TRPC4: variants seen among roughly 807,000 people sequenced by gnomAD.
TRPC4 encodes the protein short transient receptor potential channel 4.
A neutral mutation model predicts 99.4 loss-of-function variants in TRPC4; 49 were observed. That is an observed-to-expected ratio of 0.49 (90% CI 0.39 to 0.63). The LOEUF is 0.63. Among genes scored for constraint, TRPC4 ranks in the 20% least tolerant of loss-of-function variants. TRPC4 has a pLI of 0.00. For synonymous variants in TRPC4, 454 were observed against 425.9 expected (o/e 1.07, Z -0.81); for missense variants, 898 against 1,152.9 (o/e 0.78, Z 3.20).
intron 1 of TRPC4, among the ~76,000 whole-genome samples, chr13:37,788,714 C>T (rs1957032680): frequency 6.6e-6 from 1 of 152,046 alleles, no homozygotes; most frequent in Non-Finnish European, 1.5e-5. Context: ...TCTCCCTATT[C>T]TTATCATCAC....
chr13:37,846,950 T>C (rs960821438), intron 1 of TRPC4, among the ~76,000 whole-genome samples: 2 of 151,992 alleles, frequency 1.3e-5, no homozygotes, highest in African/African-American at 2.4e-5. Context: ...ATGTTATTTT[T>C]AAAAGACAAA....
intron 3 of TRPC4, among the ~76,000 whole-genome samples, chr13:37,720,229 T>G (rs1466092792): frequency 6.6e-6 from 1 of 152,182 alleles, no homozygotes; most frequent in African/African-American, 2.4e-5. Flanking sequence ...TTGTGTTGCT[T>G]TGAGCCACTA....
rs568466085 is a variant in TRPC4 at position 37,726,459 on chromosome 13, C to T, written c.897+19478G>A. On this transcript the variant is annotated intron_variant, in intron 3 of 10. Transcript: ENST00000379705. ...AACATTAGAACATTAAATGTAATCC[C>T]CATGGTAACCACAAAGAAAATAGCT... 5.3e-5 allele frequency among the ~76,000 whole-genome samples: 8 copies of T among 151,802 alleles called. No individual in the cohort carries two copies. The East Asian group carries it at 1.6e-3, about 29-fold the overall frequency.
At chr13:37,777,907 C>T (rs1195510561) in intron 2 of TRPC4, among the ~76,000 whole-genome samples, 1 of 152,014 alleles carries the variant, frequency 6.6e-6, no homozygotes, top group Admixed American at 6.6e-5. Context: ...GCCAGCATTG[C>T]TGTCACTTCA....
chr13:37,672,449 A>G (rs964784832), intron 5 of TRPC4, among the ~76,000 whole-genome samples: 1 of 152,156 alleles, frequency 6.6e-6, no homozygotes, highest in African/African-American at 2.4e-5. Context: ...AGAAATGCAA[A>G]TTTGGACTTT....
chr13:37,795,085 T>C (rs562444433), intron 1 of TRPC4, among the ~76,000 whole-genome samples: 7 of 152,310 alleles, frequency 4.6e-5, no homozygotes, highest in African/African-American at 1.4e-4. Flanking sequence ...TTTCTTTAGA[T>C]AATATGTATT....
At chr13:37,797,178 T>TA (rs1374931762) in intron 1 of TRPC4, among the ~76,000 whole-genome samples, 2 of 151,234 alleles carry the variant, frequency 1.3e-5, no homozygotes, top group African/African-American at 4.8e-5. Flanking sequence ...AGACCTGTCT[T>TA]AAAAAATAAA....
chr13:37,729,813 C>T (rs1490967236), intron 3 of TRPC4, among the ~76,000 whole-genome samples: 1 of 151,932 alleles, frequency 6.6e-6, no homozygotes, highest in Non-Finnish European at 1.5e-5. Context: ...ATGGTGGATG[C>T]CAGAGACTGA....
intron 1 of TRPC4, among the ~76,000 whole-genome samples, chr13:37,792,998 A>C (rs1352073706): frequency 6.6e-6 from 1 of 152,108 alleles, no homozygotes; most frequent in Non-Finnish European, 1.5e-5. Context: ...AGACGAGAGA[A>C]GTAATTAGAC....
At chr13:37,775,836 C>T (rs1956685037) in intron 2 of TRPC4, among the ~76,000 whole-genome samples, 1 of 151,356 alleles carries the variant, frequency 6.6e-6, no homozygotes, top group South Asian at 2.1e-4. Context: ...ATGCCTTTCA[C>T]TCCTGTGTGT....
In TRPC4 at chr13:37,746,353, A is replaced by T; in HGVS notation, c.481T>A (p.Leu161Met). The T allele has an allele frequency of 6.2e-7, 1 of 1,613,796 alleles. No homozygotes were observed. The highest frequency in any genetic ancestry group is 2.2e-5 in the East Asian group (1 of 44,826). The change falls in exon 3 of 11, where the codon TTG becomes ATG. Residue 161 changes from leucine to methionine, a missense_variant. By Grantham distance (15) the Leu-to-Met change is conservative (BLOSUM62 2). Coordinates refer to ENST00000379705, the MANE Select transcript of TRPC4 (RefSeq NM_016179.4). The part of the protein sequence containing the change: ...HTNNYEIIKL[L>M]VQKGVSVPRP... ...GGCACTGAGACTCCTTTCTGAACCA[A>T]GAGTTTTATTATCTCATAATTATTT...
intron 1 of TRPC4, among the ~76,000 whole-genome samples, chr13:37,788,208 T>C (rs574204934): frequency 2.0e-5 from 3 of 152,282 alleles, no homozygotes; most frequent in African/African-American, 7.2e-5. Context: ...ATTTCTCTAA[T>C]ATTTCATACC....
intron 5 of TRPC4, among the ~76,000 whole-genome samples, chr13:37,666,130 T>G (rs180853084): frequency 6.6e-6 from 1 of 152,302 alleles, no homozygotes; most frequent in Admixed American, 6.5e-5. Context: ...GCTTACACTC[T>G]CAGAATAATA....
intron 8 of TRPC4, among the ~76,000 whole-genome samples, chr13:37,648,581 T>C (rs1951919788): frequency 6.6e-6 from 1 of 152,070 alleles, no homozygotes. Flanking sequence ...AGATTCTGAT[T>C]AGTTTCAAAT....
chr13:37,749,621 G>T (rs548943048), intron 2 of TRPC4, among the ~76,000 whole-genome samples: 1 of 152,160 alleles, frequency 6.6e-6, no homozygotes, highest in African/African-American at 2.4e-5. Flanking sequence ...TGCCTGTTAC[G>T]GAGTACTAAC....
chr13:37,868,890 T>C (rs1231626419), intron 1 of TRPC4, among the ~76,000 whole-genome samples: 1 of 152,096 alleles, frequency 6.6e-6, no homozygotes, highest in Non-Finnish European at 1.5e-5. Flanking sequence ...TTGTCTCTAG[T>C]CGCAAAAGAC....
In TRPC4 at chr13:37,674,227, C is replaced by A; in HGVS notation, c.1374+1G>T. 1 of 1,582,714 alleles carries A rather than the reference C, an allele frequency of 6.3e-7. No homozygotes were observed. Among genetic ancestry groups the A allele is most frequent in the Non-Finnish European group, 8.6e-7 (1 of 1,166,778 alleles). On this transcript the variant is annotated splice_donor_variant, in intron 5 of 10. Transcript: ENST00000379705. LOFTEE classifies it high-confidence loss of function. ...TTACCAACAACATAAATAATAGTTA[C>A]CTTTACAAATGCAACAATTTTCAAG...
intron 8 of TRPC4, among the ~76,000 whole-genome samples, chr13:37,643,677 G>A (rs1951789866): frequency 6.6e-6 from 1 of 152,148 alleles, no homozygotes; most frequent in Admixed American, 6.5e-5. Flanking sequence ...TTAGATTGTA[G>A]TGGGAAATTA....
intron 1 of TRPC4, among the ~76,000 whole-genome samples, chr13:37,800,750 T>A (rs1043797644): frequency 6.6e-6 from 1 of 151,810 alleles, no homozygotes. Flanking sequence ...TAAATAAAAA[T>A]AATAGCTAAA....
Sources: allele counts gnomAD v4.1 joint callset (sites outside exome capture counted in the v4.1 genomes callset), GRCh38; gene constraint gnomAD v4.1.1; transcripts MANE v1.5; gene names NCBI Gene and HGNC (gene_info 2026-07-23, HGNC 2026-07-21).